The following SEMA3E variants were observed in gnomAD, a reference collection of about 807,000 sequenced individuals.
SEMA3E encodes semaphorin 3E.
In SEMA3E, 49 loss-of-function variants were observed where a neutral mutation model predicts 93.6. The ratio of observed to expected loss-of-function variants is 0.52; its 90% confidence interval spans 0.42 to 0.66. The LOEUF is 0.66. Among genes scored for constraint, SEMA3E ranks in the 30% least tolerant of loss-of-function variants. The pLI, the probability that SEMA3E is intolerant of heterozygous loss-of-function variation, is 0.00. For synonymous variants in SEMA3E, 363 were observed against 330.7 expected, an observed-to-expected ratio of 1.10 and a Z score of -1.06; for missense variants, 906 against 964.8, an observed-to-expected ratio of 0.94 and a Z score of 0.81.
At chr7:83,455,738 TAGA>T (rs1584259792) in intron 4 of SEMA3E, among the ~76,000 whole-genome samples, 1 of 152,234 alleles carries the variant, frequency 6.6e-6, no homozygotes, top group Non-Finnish European at 1.5e-5. Context: ...CCTGCTGGTC[TAGA>T]AGAAGTATGC....
At chr7:83,435,579 G>A (rs1562781687) in intron 4 of SEMA3E, among the ~76,000 whole-genome samples, 2 of 152,048 alleles carry the variant, frequency 1.3e-5, no homozygotes, top group Non-Finnish European at 2.9e-5. Context: ...GTGGGAGACA[G>A]AGCGAACCTC....
At chr7:83,484,434 A>G (rs1017731983) in intron 2 of SEMA3E, among the ~76,000 whole-genome samples, 1 of 152,166 alleles carries the variant, frequency 6.6e-6, no homozygotes, top group East Asian at 1.9e-4. Flanking sequence ...TAGATGATTC[A>G]TCAACCATCA....
intron 1 of SEMA3E, among the ~76,000 whole-genome samples, chr7:83,552,458 A>G (rs1378627313): frequency 6.6e-6 from 1 of 152,156 alleles, no homozygotes; most frequent in Non-Finnish European, 1.5e-5. Flanking sequence ...ACAGAATAAC[A>G]GCAATTTTTA....
At chr7:83,538,707 A>G (rs996262738) in intron 1 of SEMA3E, among the ~76,000 whole-genome samples, 2 of 152,222 alleles carry the variant, frequency 1.3e-5, no homozygotes, top group African/African-American at 4.8e-5. Context: ...ATTATGTTAT[A>G]TTGTTGTTGT....
At chr7:83,387,127 T>C in intron 14 of SEMA3E, 77 bp from the exon 15 acceptor site, 3 of 1,157,318 alleles carry the variant, frequency 2.6e-6, no homozygotes, top group South Asian at 2.6e-5. Flanking sequence ...TTGCATTTCA[T>C]ATACAAGTAG....
chr7:83,462,469 G>A (rs1011949795), intron 4 of SEMA3E, among the ~76,000 whole-genome samples: 1 of 151,900 alleles, frequency 6.6e-6, no homozygotes, highest in African/African-American at 2.4e-5. Context: ...CTATTCCTGG[G>A]CTACAGCCAC....
intron 15 of SEMA3E, among the ~76,000 whole-genome samples, chr7:83,386,243 G>A (rs10249183): frequency 0.035 from 5,320 of 151,986 alleles, 309 homozygotes; most frequent in African/African-American, 0.12. Flanking sequence ...TCAGTCTGGG[G>A]TCCAACAAAT....
intron 1 of SEMA3E, among the ~76,000 whole-genome samples, chr7:83,508,536 ACAGGCG>A (rs2115636155): frequency 6.6e-6 from 1 of 152,316 alleles, no homozygotes; most frequent in Admixed American, 6.5e-5. Context: ...TGCTAGGATT[ACAGGCG>A]TGAGCCACTG....
intron 1 of SEMA3E, among the ~76,000 whole-genome samples, chr7:83,549,092 A>G (rs1416872099): frequency 6.6e-6 from 1 of 152,102 alleles, no homozygotes; most frequent in Non-Finnish European, 1.5e-5. Context: ...ATTAAACAAT[A>G]TTTCATCTCC....
chr7:83,539,965 C>G (rs1791487104), intron 1 of SEMA3E, among the ~76,000 whole-genome samples: 1 of 150,294 alleles, frequency 6.7e-6, no homozygotes, highest in South Asian at 2.1e-4. Context: ...ACTGCAACCT[C>G]TGCCTCCCTG....
intron 16 of SEMA3E, among the ~76,000 whole-genome samples, chr7:83,384,481 C>T (rs115526017): frequency 0.049 from 3,365 of 69,276 alleles, 131 homozygotes; most frequent in African/African-American, 0.14. Flanking sequence ...ATTATTTCTC[C>T]TTCTAAAATA....
At chr7:83,487,781 CAAAAGAGAACTACATAG>C (rs1790298010) in intron 2 of SEMA3E, among the ~76,000 whole-genome samples, 1 of 149,174 alleles carries the variant, frequency 6.7e-6, no homozygotes, top group Admixed American at 6.8e-5. Context: ...TGTTTGAAGT[CAAAAGAGAACTACATAG>C]AAAATAAAGA....
chr7:83,553,638 C>A (rs1386397957), intron 1 of SEMA3E, among the ~76,000 whole-genome samples: 4 of 151,990 alleles, frequency 2.6e-5, no homozygotes, highest in Non-Finnish European at 5.9e-5. Flanking sequence ...AACTTTGGGG[C>A]TTTTAGGGAC....
chr7:83,508,835 T>G (rs1029911019), intron 1 of SEMA3E, among the ~76,000 whole-genome samples: 1 of 152,184 alleles, frequency 6.6e-6, no homozygotes. Context: ...TAATTTCCAA[T>G]GTAATTGACT....
intron 1 of SEMA3E, among the ~76,000 whole-genome samples, chr7:83,566,207 C>T (rs183301190): frequency 6.8e-4 from 102 of 150,936 alleles, no homozygotes; most frequent in Middle Eastern, 3.4e-3. Flanking sequence ...GGGGTTTTAC[C>T]GTGCTGGTCA....
chr7:83,489,268 A>G (rs2115972770), intron 2 of SEMA3E, among the ~76,000 whole-genome samples: 1 of 152,204 alleles, frequency 6.6e-6, no homozygotes, highest in Non-Finnish European at 1.5e-5. Context: ...AATGAAACAT[A>G]TCAATAAACA....
chr7:83,579,915 A>G (rs987232908), intron 1 of SEMA3E, among the ~76,000 whole-genome samples: 5 of 152,098 alleles, frequency 3.3e-5, no homozygotes, highest in African/African-American at 1.2e-4. Context: ...TTGGAAAATT[A>G]GCAATGAATG....
chr7:83,625,291 T>C (rs1793647364), intron 1 of SEMA3E, among the ~76,000 whole-genome samples: 1 of 152,168 alleles, frequency 6.6e-6, no homozygotes, highest in Admixed American at 6.6e-5. Flanking sequence ...GGGGATAGCA[T>C]TGAATCTACA....
intron 1 of SEMA3E, among the ~76,000 whole-genome samples, chr7:83,551,177 A>C (rs1791756806): frequency 6.6e-6 from 1 of 152,128 alleles, no homozygotes; most frequent in African/African-American, 2.4e-5. Context: ...AAGTATACAC[A>C]CTAAAGAAAT....
Sources: allele counts gnomAD v4.1 joint callset (sites outside exome capture counted in the v4.1 genomes callset), GRCh38; gene constraint gnomAD v4.1.1; transcripts MANE v1.5; gene names NCBI Gene and HGNC (gene_info 2026-07-23, HGNC 2026-07-21).